Variants in TP53BP1 observed in about 807,000 individuals in gnomAD.
The protein encoded by TP53BP1 is tumor protein p53 binding protein 1, also known as TP53-binding protein 1.
In TP53BP1, 61 loss-of-function variants were observed where a neutral mutation model predicts 200.8. The ratio of observed to expected loss-of-function variants is 0.30; its 90% CI spans 0.25 to 0.38. The LOEUF is 0.38. TP53BP1 is among the 10% of genes least tolerant of loss of function. The probability of loss-of-function intolerance (pLI) is 1.00; values close to 1 mark genes in which losing one functional copy is unlikely to be tolerated. For synonymous variants in TP53BP1, 822 were observed against 844.3 expected (o/e 0.97, Z 0.46); for missense variants, 2,144 against 2,371.9 (o/e 0.90, Z 2.00).
intron 19 of TP53BP1, 47 bp from the exon 20 acceptor site, chr15:43,421,221 T>G (rs373152970): frequency 6.3e-7 from 1 of 1,599,142 alleles, no homozygotes; most frequent in Non-Finnish European, 8.6e-7. Context: ...CTACTGAATC[T>G]TTTCTTCACA....
intron 11 of TP53BP1, among the ~76,000 whole-genome samples, chr15:43,468,632 A>G (rs1421254725): frequency 7.1e-6 from 1 of 141,466 alleles, no homozygotes; most frequent in African/African-American, 3.0e-5. Context: ...TAACCCTTTC[A>G]CTGCCAACAA....
intron 1 of TP53BP1, among the ~76,000 whole-genome samples, chr15:43,502,235 A>G (rs973767829): frequency 6.6e-6 from 1 of 152,160 alleles, no homozygotes; most frequent in Non-Finnish European, 1.5e-5. Context: ...AGGTGGGAAG[A>G]TCAATTGAGC....
chr15:43,426,453 A>C (rs1282448647), intron 18 of TP53BP1, among the ~76,000 whole-genome samples: 1 of 151,540 alleles, frequency 6.6e-6, no homozygotes, highest in African/African-American at 2.4e-5. Context: ...AAAAAAAAAA[A>C]AAAAAAAGGA....
At position 43,407,930 on chromosome 15, in the gene TP53BP1, C is replaced by G. The variant is rs766075995; in HGVS notation, c.5746+13G>C. On this transcript the variant is annotated intron_variant, in intron 27 of 27. Coordinates refer to ENST00000382044, the MANE Select transcript of TP53BP1 (RefSeq NM_001141980.3). ...CCCTGGAACAAAGACACTACACACA[C>G]TCTTTCAGGTACCTTTGTTATGGGC... 7.8e-5 allele frequency: 126 copies of G among 1,607,954 alleles called. No homozygotes were observed. Among genetic ancestry groups the G allele is most frequent in the Non-Finnish European group, 1.1e-4 (125 of 1,178,982 alleles).
At chr15:43,410,051 G>C (rs947243379) in intron 24 of TP53BP1, among the ~76,000 whole-genome samples, 1 of 152,312 alleles carries the variant, frequency 6.6e-6, no homozygotes, top group South Asian at 2.1e-4. Flanking sequence ...TTCCCACAGT[G>C]ACATATTCCA....
chr15:43,426,439 CAA>C (rs538087512), intron 18 of TP53BP1, among the ~76,000 whole-genome samples: 15 of 56,778 alleles, frequency 2.6e-4, no homozygotes, highest in Admixed American at 5.9e-4. Flanking sequence ...GACTCTGTGT[CAA>C]AAAAAAAAAA....
At chr15:43,417,685 G>A (rs940657917) in intron 21 of TP53BP1, among the ~76,000 whole-genome samples, 4 of 152,136 alleles carry the variant, frequency 2.6e-5, no homozygotes, top group Non-Finnish European at 5.9e-5. Context: ...AAAGAAGAAC[G>A]AATGCATTTG....
At chr15:43,450,550 A>ACT (rs1208270417) in intron 12 of TP53BP1, among the ~76,000 whole-genome samples, 3 of 152,192 alleles carry the variant, frequency 2.0e-5, no homozygotes, top group Non-Finnish European at 4.4e-5. Context: ...TTATGGATTT[A>ACT]AAGACTTACT....
intron 21 of TP53BP1, among the ~76,000 whole-genome samples, chr15:43,418,395 G>A (rs1205837689): frequency 2.0e-5 from 3 of 151,082 alleles, no homozygotes; most frequent in African/African-American, 4.9e-5. Flanking sequence ...CCAGCTACTC[G>A]GGAGGCTGAG....
At chr15:43,451,173 CT>C (rs1304263080) in intron 12 of TP53BP1, among the ~76,000 whole-genome samples, 1 of 151,870 alleles carries the variant, frequency 6.6e-6, no homozygotes, top group African/African-American at 2.4e-5. Context: ...AGAACCATTA[CT>C]TTTTTTCTTT....
intron 12 of TP53BP1, among the ~76,000 whole-genome samples, chr15:43,451,416 T>C (rs2046166997): frequency 1.3e-5 from 2 of 151,706 alleles, no homozygotes; most frequent in Admixed American, 6.6e-5. Context: ...TTCCCATCTA[T>C]GAGTGAGAAC....
intron 7 of TP53BP1, 46 bp from the exon 8 acceptor site, chr15:43,477,805 G>A: frequency 1.4e-6 from 2 of 1,391,824 alleles, no homozygotes; most frequent in Non-Finnish European, 1.9e-6. Flanking sequence ...AAGTTCAAAT[G>A]TTTTTAAATA....
intron 1 of TP53BP1, among the ~76,000 whole-genome samples, chr15:43,499,064 G>A (rs967926665): frequency 2.0e-5 from 3 of 151,734 alleles, no homozygotes; most frequent in African/African-American, 7.2e-5. Flanking sequence ...AAACTCTTAT[G>A]TTTCAATGGA....
chr15:43,444,147 G>A (rs752237321), intron 14 of TP53BP1, among the ~76,000 whole-genome samples: 5 of 152,154 alleles, frequency 3.3e-5, no homozygotes, highest in Non-Finnish European at 5.9e-5. Flanking sequence ...CTATGCTCCT[G>A]GTATTAGGAA....
At position 43,432,367 on chromosome 15, in the gene TP53BP1, C is replaced by T. The variant is rs565458769; in HGVS notation, c.3502G>A (p.Val1168Ile). The change falls in exon 17 of 28, where the codon GTC (valine) becomes ATC (isoleucine). Residue 1168 changes from valine to isoleucine, a missense_variant. Physicochemically the swap from Val to Ile is conservative, Grantham distance 29. Transcript: ENST00000382044. ...GTTGCTGCTGAAACAGTTTCTGGGA[C>T]CCTCAAGGAACACTCCATGGTTTGG... ...GIQTMECSLR[V>I]PETVSAATQT... The T allele has an allele frequency of 5.6e-6, 9 of 1,614,148 alleles. No homozygotes were observed. The highest frequency in any genetic ancestry group is 7.6e-6 in the Non-Finnish European group (9 of 1,179,996).
At chr15:43,455,766 A>T in intron 12 of TP53BP1, 126 bp downstream of exon 12, 1 of 1,196,852 alleles carries the variant, frequency 8.4e-7, no homozygotes, top group Non-Finnish European at 1.1e-6. Context: ...CCCAATTATT[A>T]TTGGTTGTTC....
At chr15:43,467,400 T>C (rs766472141) in intron 11 of TP53BP1, among the ~76,000 whole-genome samples, 1 of 152,180 alleles carries the variant, frequency 6.6e-6, no homozygotes, top group Non-Finnish European at 1.5e-5. Context: ...TCAGGAGGCA[T>C]GGACTGCACT....
chr15:43,480,128 G>A (rs1023015487), intron 5 of TP53BP1, 111 bp from the exon 6 acceptor site: 2 of 933,116 alleles, frequency 2.1e-6, no homozygotes, highest in African/African-American at 3.4e-5. Flanking sequence ...TCAAAGCCCT[G>A]TGCACCCCCC....
chr15:43,486,544 T>TA (rs2079049582), intron 4 of TP53BP1, among the ~76,000 whole-genome samples: 1 of 152,178 alleles, frequency 6.6e-6, no homozygotes, highest in Non-Finnish European at 1.5e-5. Context: ...CATAAACAGT[T>TA]AAAGAGAGTT....
Sources: allele counts gnomAD v4.1 joint callset (sites outside exome capture counted in the v4.1 genomes callset), GRCh38; gene constraint gnomAD v4.1.1; transcripts MANE v1.5; gene names NCBI Gene and HGNC (gene_info 2026-07-23, HGNC 2026-07-21).